XRCC6: variants seen among roughly 807,000 people sequenced by gnomAD.
XRCC6 encodes the protein X-ray repair cross complementing 6, also known as DNA repair protein Ku70.
In XRCC6, 5 loss-of-function variants were observed where a neutral mutation model predicts 65.7. That is an observed-to-expected ratio of 0.08 (90% CI 0.04 to 0.16). The LOEUF (loss-of-function observed/expected upper bound fraction) is 0.16. XRCC6 is among the 10% of genes least tolerant of loss of function. XRCC6 has a pLI of 1.00. For synonymous variants in XRCC6, 270 were observed against 270.6 expected, an observed-to-expected ratio of 1.00 and a Z score of 0.02; for missense variants, 447 against 738.1, an observed-to-expected ratio of 0.61 and a Z score of 4.57.
At position 41,649,160 on chromosome 22, in the gene XRCC6, A is replaced by ATATATATATATATATG. The variant is rs1376197191; in HGVS notation, c.961-1560_961-1559insATATATATATATGTAT. Among the ~76,000 whole-genome samples, 264 of 125,662 alleles carry ATATATATATATATATG rather than the reference A, an allele frequency of 2.1e-3. 1 individual carries two copies. Among genetic ancestry groups the ATATATATATATATATG allele is most frequent in the Admixed American group, 8.1e-3 (91 of 11,190 alleles). 82.4% of individuals were successfully genotyped at this position (125,662 alleles called of 152,430 possible). ...AAAAAATATATATATATATATATATATATGTATGTATGTGTGTGTGTATAT... is the reference window on the plus strand; with the variant it reads ...AAAAAATATATATATATATATATATATATATATATATATATGTATGTATGTATGTGTGTGTGTATAT... On this transcript the variant is annotated intron_variant, in intron 7 of 12. Transcript: ENST00000360079.
At chr22:41,632,231 T>C (rs2067763389) in intron 3 of XRCC6, among the ~76,000 whole-genome samples, 1 of 152,236 alleles carries the variant, frequency 6.6e-6, no homozygotes, top group African/African-American at 2.4e-5. Context: ...AGAAGAATTT[T>C]CACAGATTTA....
At chr22:41,645,700 T>TC (rs1402698876) in intron 6 of XRCC6, among the ~76,000 whole-genome samples, 1 of 142,580 alleles carries the variant, frequency 7.0e-6, no homozygotes, top group African/African-American at 2.7e-5. Context: ...TCTTTCTTCT[T>TC]TTTTTTTTTT....
Position 41,650,713 on chromosome 22 carries a change from TC to T in XRCC6, c.961-9del. 1 of 1,610,794 alleles carries T rather than the reference TC, an allele frequency of 6.2e-7. No homozygotes were observed. Among genetic ancestry groups the T allele is most frequent in the Non-Finnish European group, 8.5e-7 (1 of 1,178,174 alleles). ...CTTCCCATTTGATCCTTGTCGTTCT[TC>T]TCCTTCAGATCTATGGGAGTCGTCA... On this transcript the variant is annotated splice_polypyrimidine_tract_variant and intron_variant, in intron 7 of 12. Coordinates refer to ENST00000360079, the MANE Select transcript of XRCC6 (RefSeq NM_001469.5).
chr22:41,625,808 G>A (rs1017082427), intron 2 of XRCC6, among the ~76,000 whole-genome samples: 8 of 152,192 alleles, frequency 5.3e-5, no homozygotes, highest in African/African-American at 1.9e-4. Context: ...CAGCCTGTGT[G>A]AGAGAACAAG....
intron 9 of XRCC6, 81 bp downstream of exon 9, chr22:41,653,771 C>G (rs1179838421): frequency 6.7e-7 from 1 of 1,494,764 alleles, no homozygotes; most frequent in East Asian, 2.3e-5. Flanking sequence ...TGCAGACCTA[C>G]TGAATCATAG....
chr22:41,659,994 C>G (rs1305989420), intron 11 of XRCC6, among the ~76,000 whole-genome samples: 2 of 152,232 alleles, frequency 1.3e-5, no homozygotes, highest in African/African-American at 4.8e-5. Context: ...CTTCTCTGTA[C>G]TTTTAAAACT....
chr22:41,628,965 C>CAAAAA (rs11413169), intron 3 of XRCC6, among the ~76,000 whole-genome samples: 24 of 62,710 alleles, frequency 3.8e-4, no homozygotes, highest in East Asian at 1.1e-3. Flanking sequence ...GACTCTGTCT[C>CAAAAA]AAAAAAAAAA....
intron 6 of XRCC6, among the ~76,000 whole-genome samples, chr22:41,645,326 AAAAC>A (rs964639363): frequency 4.6e-5 from 7 of 152,000 alleles, no homozygotes; most frequent in South Asian, 2.1e-4. Flanking sequence ...AAAACAAAAA[AAAAC>A]AAACAAAAAA....
At position 41,636,783 on chromosome 22, in the gene XRCC6, C is replaced by T; in HGVS notation, c.589+13C>T. 6.2e-7 allele frequency: 1 copy of T among 1,605,520 alleles called. No individual in the cohort carries two copies. Among genetic ancestry groups the T allele is most frequent in the South Asian group, 1.1e-5 (1 of 89,220 alleles). On this transcript the variant is annotated intron_variant, in intron 5 of 12. Transcript: ENST00000360079. ...CTCCGAGATACAGGTGGGCATATTT[C>T]CCCGTTCTCTTAAATTGGCACTTAA... is the stretch of plus-strand genomic sequence containing the variant.
intron 6 of XRCC6, among the ~76,000 whole-genome samples, chr22:41,639,736 C>G (rs768204272): frequency 6.7e-5 from 9 of 133,640 alleles, no homozygotes; most frequent in African/African-American, 8.8e-5. Flanking sequence ...GGTCTCAGGT[C>G]ACTGCAAGCT....
chr22:41,652,688 T>G (rs1436888789), intron 8 of XRCC6, among the ~76,000 whole-genome samples: 2 of 54,400 alleles, frequency 3.7e-5, no homozygotes, highest in African/African-American at 1.4e-4. Context: ...TCTGTTTGTT[T>G]GTTTTGAAAC....
chr22:41,633,919 C>T (rs577185052), intron 3 of XRCC6, among the ~76,000 whole-genome samples: 2 of 152,106 alleles, frequency 1.3e-5, no homozygotes, highest in African/African-American at 2.4e-5. Flanking sequence ...TTCTAAAATT[C>T]TGTTTTAGTT....
At chr22:41,640,516 C>T (rs2067864549) in intron 6 of XRCC6, among the ~76,000 whole-genome samples, 1 of 152,194 alleles carries the variant, frequency 6.6e-6, no homozygotes, top group South Asian at 2.1e-4. Flanking sequence ...GACTCCTGGC[C>T]TCAAACGTTC....
At chr22:41,659,420 A>T (rs547948354) in intron 11 of XRCC6, among the ~76,000 whole-genome samples, 3 of 151,924 alleles carry the variant, frequency 2.0e-5, no homozygotes, top group South Asian at 4.1e-4. Context: ...CTGGGTTAGG[A>T]TGGTCTCGAT....
Position 41,628,193 on chromosome 22 carries a change from G to C in XRCC6, c.158G>C (p.Ser53Thr). 6.2e-7 allele frequency: 1 copy of C among 1,613,790 alleles called. No individual in the cohort carries two copies. The highest frequency in any genetic ancestry group is 8.5e-7 in the Non-Finnish European group (1 of 1,179,868). ...TCCAAGGCTATGTTTGAATCTCAGAGTGAAGATGAGTTGACACCTTTTGAC... is the reference window on the plus strand; with the variant it reads ...TCCAAGGCTATGTTTGAATCTCAGACTGAAGATGAGTTGACACCTTTTGAC... ...DASKAMFESQSEDELTPFDMS... is the reference protein window; with the variant it reads ...DASKAMFESQTEDELTPFDMS... The change falls in exon 3 of 13, where the codon AGT (serine) becomes ACT (threonine). Residue 53 changes from serine to threonine, a missense_variant. Transcript: ENST00000360079.
intron 6 of XRCC6, among the ~76,000 whole-genome samples, chr22:41,645,599 CTG>C (rs145049038): frequency 0.012 from 1,805 of 152,066 alleles, 34 homozygotes; most frequent in African/African-American, 0.042. Context: ...TCTCCCAAAA[CTG>C]TAGTCGGGGA....
chr22:41,623,315 G>C (rs1298436031), intron 2 of XRCC6, among the ~76,000 whole-genome samples: 1 of 152,204 alleles, frequency 6.6e-6, no homozygotes, highest in East Asian at 1.9e-4. Context: ...GGCCTCAAGC[G>C]ATACCCCCAA....
At chr22:41,651,019 A>C in intron 8 of XRCC6, 128 bp downstream of exon 8, 1 of 1,281,728 alleles carries the variant, frequency 7.8e-7, no homozygotes, top group Non-Finnish European at 1.1e-6. Flanking sequence ...AAGTGTTTCA[A>C]GCTCTGCCTG....
Position 41,622,079 on chromosome 22 carries a change from A to G in XRCC6, c.75A>G (p.Glu25=). The G allele has an allele frequency of 1.2e-6, 2 of 1,614,242 alleles. No individual in the cohort carries two copies. Among genetic ancestry groups the G allele is most frequent in the Non-Finnish European group, 1.7e-6 (2 of 1,180,048 alleles). Residue 25 remains glutamate (E), a synonymous_variant, in exon 2 of 13, where the codon GAA becomes GAG. Coordinates refer to ENST00000360079, the MANE Select transcript of XRCC6 (RefSeq NM_001469.5). ...EAEEEQEENL[E]ASGDYKYSGR... is the part of the protein sequence containing the mutation. ...AGGAAGAACAAGAAGAGAACCTTGA[A>G]GCAAGTGGTAAGTGACTTCAGCATG...
Sources: allele counts gnomAD v4.1 joint callset (sites outside exome capture counted in the v4.1 genomes callset), GRCh38; gene constraint gnomAD v4.1.1; transcripts MANE v1.5; gene names NCBI Gene and HGNC (gene_info 2026-07-23, HGNC 2026-07-21).